The following LRRC4C variants were observed in gnomAD, a reference collection of about 807,000 sequenced individuals.
The protein encoded by LRRC4C is leucine rich repeat containing 4C, also known as leucine-rich repeat-containing protein 4C.
In LRRC4C, 5 loss-of-function variants were observed where a neutral mutation model predicts 33.6. That is an observed-to-expected ratio of 0.15 (90% CI 0.08 to 0.31). LRRC4C has a LOEUF of 0.31. Among genes scored for constraint, LRRC4C ranks in the 10% least tolerant of loss-of-function variants. The pLI is 1.00. For synonymous variants in LRRC4C, 329 were observed against 302.0 expected (o/e 1.09, Z -0.93); for missense variants, 560 against 796.7 (o/e 0.70, Z 3.58).
chr11:40,901,962 G>A (rs2136194876), intron 2 of LRRC4C, among the ~76,000 whole-genome samples: 1 of 146,814 alleles, frequency 6.8e-6, no homozygotes, highest in African/African-American at 2.5e-5. Flanking sequence ...TTAATAGGTT[G>A]ATATATAAGA....
At chr11:40,789,093 GAAAAAAAAAAA>G (rs397956716) in intron 2 of LRRC4C, among the ~76,000 whole-genome samples, 1 of 63,524 alleles carries the variant, frequency 1.6e-5, no homozygotes, top group Non-Finnish European at 2.8e-5. Flanking sequence ...TCCGTCTCGG[GAAAAAAAAAAA>G]AAAAAAAAAA....
chr11:40,577,717 C>T (rs918448460), intron 3 of LRRC4C, among the ~76,000 whole-genome samples: 2 of 151,818 alleles, frequency 1.3e-5, no homozygotes, highest in African/African-American at 4.8e-5. Flanking sequence ...ATAATAACAA[C>T]AACAAAAACA....
intron 1 of LRRC4C, among the ~76,000 whole-genome samples, chr11:41,260,287 A>C (rs1948938046): frequency 6.6e-6 from 1 of 152,054 alleles, no homozygotes; most frequent in African/African-American, 2.4e-5. Context: ...TTACAAGGAG[A>C]GTTAATGGCT....
chr11:41,226,165 C>A (rs928154528), intron 1 of LRRC4C, among the ~76,000 whole-genome samples: 2 of 152,062 alleles, frequency 1.3e-5, no homozygotes, highest in Non-Finnish European at 2.9e-5. Context: ...TTCCCAAAAG[C>A]CTTGGCCAGT....
chr11:40,232,194 C>T lies in LRRC4C; in HGVS notation c.-96+9325G>A, dbSNP rs190145683. Among the ~76,000 whole-genome samples, 303 of 152,260 alleles carry T rather than the reference C, an allele frequency of 2.0e-3. 4 individuals are homozygous for T. The highest frequency in any genetic ancestry group is 6.7e-3 in the African/African-American group (280 of 41,564). On this transcript the variant is annotated intron_variant, in intron 5 of 6. Transcript: ENST00000528697. ...GCTATTTTTGTATTTTTAGTAAAGA[C>T]GAGGTTTCGCCATGTTGGGCAGGCT...
intron 1 of LRRC4C, among the ~76,000 whole-genome samples, chr11:40,994,897 C>T (rs1853854740): frequency 6.6e-6 from 1 of 151,970 alleles, no homozygotes; most frequent in African/African-American, 2.4e-5. Flanking sequence ...TTGTCCCCTC[C>T]ACAATTTCTC....
chr11:40,891,604 A>G (rs1457613132), intron 2 of LRRC4C, among the ~76,000 whole-genome samples: 1 of 152,204 alleles, frequency 6.6e-6, no homozygotes, highest in Non-Finnish European at 1.5e-5. Context: ...ATCTAAATAG[A>G]TATTTTTCAA....
intron 1 of LRRC4C, among the ~76,000 whole-genome samples, chr11:41,340,565 G>A (rs901123188): frequency 1.3e-5 from 2 of 152,102 alleles, no homozygotes; most frequent in Admixed American, 6.6e-5. Flanking sequence ...ATTTAGATGA[G>A]GAAGTGGTGG....
chr11:40,946,684 C>A (rs1939310924), intron 1 of LRRC4C, among the ~76,000 whole-genome samples: 1 of 152,268 alleles, frequency 6.6e-6, no homozygotes, highest in Non-Finnish European at 1.5e-5. Context: ...TGATTTACAT[C>A]TCTCTGACGG....
intron 2 of LRRC4C, among the ~76,000 whole-genome samples, chr11:40,708,277 C>T (rs1946273420): frequency 6.6e-6 from 1 of 152,090 alleles, no homozygotes; most frequent in South Asian, 2.1e-4. Context: ...TTTGCTCTTG[C>T]TTCTCTAGTT....
chr11:41,186,962 G>A (rs1945719891), intron 1 of LRRC4C, among the ~76,000 whole-genome samples: 2 of 152,142 alleles, frequency 1.3e-5, no homozygotes, highest in Admixed American at 1.3e-4. Context: ...AATTCTGGAA[G>A]AACCCTGATT....
At chr11:41,239,098 G>T (rs112274900) in intron 1 of LRRC4C, among the ~76,000 whole-genome samples, 3,447 of 148,880 alleles carry the variant, frequency 0.023, 52 homozygotes, top group Non-Finnish European at 0.035. Flanking sequence ...GGCGGATCAC[G>T]AGGTCAGGAG....
At position 40,116,316 on chromosome 11, in the gene LRRC4C, C is replaced by T. The variant is rs1363997745; in HGVS notation, c.-24G>A. 4.5e-6 allele frequency: 7 copies of T among 1,549,748 alleles called. No homozygotes were observed. Among genetic ancestry groups the T allele is most frequent in the Non-Finnish European group, 6.1e-6 (7 of 1,147,234 alleles). ...ATTCATAATTTATCTGGTGTTGGTC[C>T]TTCTGGAATTCAAACAGTCTGCAAA... On this transcript the variant is annotated 5_prime_UTR_variant, in exon 7 of 7. Coordinates refer to ENST00000528697, the MANE Select transcript of LRRC4C (RefSeq NM_001258419.2).
chr11:41,355,979 TA>T (rs954414775), intron 1 of LRRC4C, among the ~76,000 whole-genome samples: 2 of 152,074 alleles, frequency 1.3e-5, no homozygotes, highest in Non-Finnish European at 2.9e-5. Flanking sequence ...CTTCCATATT[TA>T]AAAAAGAGGA....
intron 3 of LRRC4C, among the ~76,000 whole-genome samples, chr11:40,352,761 A>G (rs765426043): frequency 9.5e-4 from 144 of 151,026 alleles, no homozygotes; most frequent in Non-Finnish European, 1.7e-3. Flanking sequence ...CTTGCAGGAT[A>G]GTTTTGGTGT....
At chr11:40,465,274 C>T (rs1002546794) in intron 3 of LRRC4C, among the ~76,000 whole-genome samples, 12 of 151,686 alleles carry the variant, frequency 7.9e-5, no homozygotes, top group African/African-American at 1.9e-4. Context: ...AAAATGAAAC[C>T]GGTCACATGT....
At chr11:40,911,617 A>G (rs1956693996) in intron 2 of LRRC4C, among the ~76,000 whole-genome samples, 5 of 152,184 alleles carry the variant, frequency 3.3e-5, no homozygotes, top group Admixed American at 3.3e-4. Flanking sequence ...AGAAAAACTG[A>G]AAATTCTAAA....
In LRRC4C at chr11:40,692,853, A is replaced by G. The variant is rs577539338; in HGVS notation, c.-406-44575T>C. Among the ~76,000 whole-genome samples, 5 of 152,230 alleles carry G rather than the reference A, an allele frequency of 3.3e-5. No homozygotes were observed. The East Asian group carries it at 5.8e-4, about 18-fold the overall frequency. On this transcript the variant is annotated intron_variant, in intron 2 of 6. Coordinates refer to ENST00000528697, the MANE Select transcript of LRRC4C (RefSeq NM_001258419.2). ...ATTTCCATCTATCACAAATGTATTC[A>G]TGGTATGAGAAGAACCTTATCTATG...
intron 1 of LRRC4C, among the ~76,000 whole-genome samples, chr11:41,276,324 C>A (rs995541273): frequency 6.6e-6 from 1 of 152,034 alleles, no homozygotes; most frequent in Non-Finnish European, 1.5e-5. Context: ...GGACAGCCAG[C>A]CTGTGTTTTA....
Sources: allele counts gnomAD v4.1 joint callset (sites outside exome capture counted in the v4.1 genomes callset), GRCh38; gene constraint gnomAD v4.1.1; transcripts MANE v1.5; gene names NCBI Gene and HGNC (gene_info 2026-07-23, HGNC 2026-07-21).